Variants in ATP9A observed in about 807,000 individuals in gnomAD.
The protein encoded by ATP9A is ATPase phospholipid transporting 9A, also known as probable phospholipid-transporting ATPase IIA.
In ATP9A, 52 loss-of-function variants were observed where a neutral mutation model predicts 144.1. That is an observed-to-expected ratio of 0.36 (90% CI 0.29 to 0.45). The LOEUF (loss-of-function observed/expected upper bound fraction) is 0.45. ATP9A is among the 20% of genes least tolerant of loss of function. The pLI is 1.00. For missense variants in ATP9A, 947 were observed against 1,392.7 expected (o/e 0.68, Z 5.09); for synonymous variants, 582 against 557.4 (o/e 1.04, Z -0.62).
chr20:51,740,107 A>C lies in ATP9A; in HGVS notation c.69-10129T>G, dbSNP rs539500163. 4.6e-5 allele frequency among the ~76,000 whole-genome samples: 7 copies of C among 152,214 alleles called. No homozygotes were observed. The South Asian group carries it at 1.5e-3, about 32-fold the overall frequency. ...GGTCTCACTCTGTTACCCAGGCTGC[A>C]GTGCAGTGGCGAGATCATAGCTCTC... On this transcript the variant is annotated intron_variant, in intron 1 of 27. Coordinates refer to ENST00000338821, the MANE Select transcript of ATP9A (RefSeq NM_006045.3).
chr20:51,730,263 T>G (rs111366134), intron 1 of ATP9A, among the ~76,000 whole-genome samples: 7 of 152,050 alleles, frequency 4.6e-5, no homozygotes, highest in Non-Finnish European at 8.8e-5. Context: ...GGTCAAGAGA[T>G]CGAGACCATC....
intron 27 of ATP9A, among the ~76,000 whole-genome samples, chr20:51,603,647 G>C (rs912073795): frequency 2.0e-4 from 30 of 152,282 alleles, no homozygotes; most frequent in African/African-American, 7.2e-4. Flanking sequence ...TCTAGAGACA[G>C]TGGCTGACGC....
intron 10 of ATP9A, among the ~76,000 whole-genome samples, chr20:51,675,611 G>A (rs1446362554): frequency 6.6e-6 from 1 of 152,238 alleles, no homozygotes; most frequent in African/African-American, 2.4e-5. Flanking sequence ...TGGGCGCCAT[G>A]GCTCACGCCT....
chr20:51,763,289 T>G (rs1280690553), intron 1 of ATP9A, among the ~76,000 whole-genome samples: 1 of 151,476 alleles, frequency 6.6e-6, no homozygotes, highest in Non-Finnish European at 1.5e-5. Flanking sequence ...TACACCTGGT[T>G]TTTTTTTAAT....
intron 14 of ATP9A, among the ~76,000 whole-genome samples, chr20:51,640,725 C>T (rs913030298): frequency 6.6e-6 from 1 of 152,104 alleles, no homozygotes; most frequent in African/African-American, 2.4e-5. Flanking sequence ...AAGACAGGGG[C>T]CAGAGTGTTG....
At chr20:51,697,589 C>G (rs769224719) in intron 4 of ATP9A, 107 bp from the exon 5 acceptor site, 12 of 949,112 alleles carry the variant, frequency 1.3e-5, no homozygotes, top group Admixed American at 2.0e-5. Flanking sequence ...CAGAAGTACA[C>G]GCTCCCACAC....
At chr20:51,633,596 C>T (rs1323741200) in intron 15 of ATP9A, among the ~76,000 whole-genome samples, 1 of 151,972 alleles carries the variant, frequency 6.6e-6, no homozygotes, top group Non-Finnish European at 1.5e-5. Context: ...AAATTTAAAA[C>T]TTAGCTGGGT....
Position 51,600,807 on chromosome 20 carries a change from AACACACACAC to A in ATP9A, c.*394_*403del, listed in dbSNP as rs35997419. 6.9e-4 allele frequency: 83 copies of A among 120,620 alleles called. No homozygotes were observed. The highest frequency in any genetic ancestry group is 4.3e-3 in the Middle Eastern group (1 of 230). The allele number at this position is 120,620 out of a possible 1,614,324, so 7.5% of individuals were successfully genotyped here. ...TACATACACATTAGGACTCTTTAAA[AACACACACAC>A]ACACACACACACACACACACACACA... is the stretch of plus-strand genomic sequence containing the variant. On this transcript the variant is annotated 3_prime_UTR_variant, in exon 28 of 28. Transcript: ENST00000338821.
At chr20:51,688,937 CG>C in intron 9 of ATP9A, 126 bp downstream of exon 9, 2 of 1,044,150 alleles carry the variant, frequency 1.9e-6, no homozygotes, top group Non-Finnish European at 2.9e-6. Flanking sequence ...CTGGAGGTGT[CG>C]GAACAAGTGG....
Position 51,617,560 on chromosome 20 carries a change from AG to A in ATP9A, c.2351-7del. 1.2e-6 allele frequency: 2 copies of A among 1,611,224 alleles called. No homozygotes were observed. The highest frequency in any genetic ancestry group is 1.7e-6 in the Non-Finnish European group (2 of 1,178,744). Reference sequence around the variant, plus strand: ...GACGTCATTGCCTCCGTCCCCTGCGAGCCACACAGACCAGAGAGAAAAGATG... The same window carrying A: ...GACGTCATTGCCTCCGTCCCCTGCGACCACACAGACCAGAGAGAAAAGATG... On this transcript the variant is annotated splice_polypyrimidine_tract_variant and splice_region_variant and intron_variant, in intron 21 of 27. Coordinates refer to ENST00000338821, the MANE Select transcript of ATP9A (RefSeq NM_006045.3).
chr20:51,625,813 C>T (rs1200299836), intron 17 of ATP9A, among the ~76,000 whole-genome samples: 6 of 152,212 alleles, frequency 3.9e-5, no homozygotes, highest in East Asian at 3.9e-4. Context: ...CCCAAACTGC[C>T]GCTTCTTCTC....
intron 1 of ATP9A, among the ~76,000 whole-genome samples, chr20:51,744,723 G>A (rs563033299): frequency 1.6e-3 from 239 of 152,312 alleles, no homozygotes; most frequent in Non-Finnish European, 2.1e-3. Flanking sequence ...TTAGCACTGC[G>A]CAAATATTTG....
At chr20:51,752,937 T>C (rs2077838804) in intron 1 of ATP9A, among the ~76,000 whole-genome samples, 1 of 152,046 alleles carries the variant, frequency 6.6e-6, no homozygotes, top group African/African-American at 2.4e-5. Flanking sequence ...ACCCTGTCTC[T>C]ACTAAAAATA....
rs554347500 is a variant in ATP9A at position 51,715,435 on chromosome 20, T to A, written c.328-2361A>T. Among the ~76,000 whole-genome samples the A allele has an allele frequency of 1.6e-3, 250 of 152,338 alleles. 1 individual carries two copies. Among genetic ancestry groups the A allele is most frequent in the Non-Finnish European group, 2.9e-3 (195 of 68,028 alleles). On this transcript the variant is annotated intron_variant, in intron 3 of 27. Transcript: ENST00000338821. ...CCCCCTCCACTATGCTGCTATTTTG[T>A]TGTTCTGTGCCAAAACCCAAGTTTT...
chr20:51,754,981 G>C, intron 1 of ATP9A, among the ~76,000 whole-genome samples: 1 of 151,778 alleles, frequency 6.6e-6, no homozygotes, highest in Non-Finnish European at 1.5e-5. Flanking sequence ...AGCCAGGTAT[G>C]GTGGCATACA....
chr20:51,689,224 T>A (rs748870931), intron 8 of ATP9A, 85 bp from the exon 9 acceptor site: 3 of 1,349,750 alleles, frequency 2.2e-6, no homozygotes, highest in Non-Finnish European at 3.1e-6. Flanking sequence ...CCGCTGGAGA[T>A]AGAAAGACAG....
intron 15 of ATP9A, among the ~76,000 whole-genome samples, chr20:51,638,851 T>A (rs2077306577): frequency 1.3e-5 from 2 of 151,988 alleles, no homozygotes; most frequent in African/African-American, 2.4e-5. Context: ...AAACAACATA[T>A]CAAATCCAAT....
chr20:51,671,174 C>G lies in ATP9A; in HGVS notation c.1121G>C (p.Arg374Pro), dbSNP rs752274011. The change falls in exon 12 of 28, where the codon CGC becomes CCC. Residue 374 changes from arginine to proline, a missense_variant. This residue lies in a region of ATP9A where 770 missense variants were observed against 1,047.9 expected (regional missense o/e 0.73). Transcript: ENST00000338821. ...RDSKIPGTVV[R>P]SSTIPEQLGR... The stretch of plus-strand genomic sequence containing the variant: ...CAGCTGCTCAGGAATCGTGCTGGAG[C>G]GAACCACGGTCCCGGGGATTTTCGA... 1 of 1,614,106 alleles carries G rather than the reference C, an allele frequency of 6.2e-7. No individual in the cohort carries two copies. Among genetic ancestry groups the G allele is most frequent in the South Asian group, 1.1e-5 (1 of 91,070 alleles).
chr20:51,602,169 G>GT (rs896771172), intron 27 of ATP9A, among the ~76,000 whole-genome samples: 4 of 152,016 alleles, frequency 2.6e-5, no homozygotes, highest in African/African-American at 9.7e-5. Context: ...ATGGAAGGTG[G>GT]GGGGGGCGGG....
Sources: allele counts gnomAD v4.1 joint callset (sites outside exome capture counted in the v4.1 genomes callset), GRCh38; gene constraint gnomAD v4.1.1; regional missense constraint gnomAD v4.1.1; transcripts MANE v1.5; gene names NCBI Gene and HGNC (gene_info 2026-07-23, HGNC 2026-07-21).